Variants in LRRD1 observed in about 807,000 individuals in gnomAD.
LRRD1 encodes the protein leucine-rich repeat and death domain-containing protein 1.
A neutral mutation model predicts 69.5 loss-of-function variants in LRRD1; 49 were observed. The observed-to-expected ratio is 0.70, with a 90% CI of 0.56 to 0.89. The LOEUF is 0.89. Among genes scored for constraint, LRRD1 ranks in the 40% least tolerant of loss-of-function variants. LRRD1 has a pLI of 0.00. For missense variants in LRRD1, 853 were observed against 956.0 expected (o/e 0.89, Z 1.42); for synonymous variants, 303 against 338.9 (o/e 0.89, Z 1.16).
chr7:92,173,972 T>C (rs1310700911), intron 1 of LRRD1, among the ~76,000 whole-genome samples: 2 of 152,146 alleles, frequency 1.3e-5, no homozygotes, highest in African/African-American at 2.4e-5. Context: ...ATCATATATA[T>C]ACACAATGGA....
At chr7:92,177,846 G>C (rs1285432097) in intron 1 of LRRD1, among the ~76,000 whole-genome samples, 1 of 152,150 alleles carries the variant, frequency 6.6e-6, no homozygotes, top group Non-Finnish European at 1.5e-5. Context: ...CTTGGGAGGG[G>C]AAGAAAGGGT....
intron 3 of LRRD1, among the ~76,000 whole-genome samples, chr7:92,155,849 C>G (rs1334628019): frequency 2.6e-5 from 4 of 152,144 alleles, no homozygotes; most frequent in African/African-American, 9.7e-5. Flanking sequence ...AACTTGGAGT[C>G]CAGTGTTTGA....
At chr7:92,155,168 C>T (rs1369494612) in intron 3 of LRRD1, among the ~76,000 whole-genome samples, 1 of 152,148 alleles carries the variant, frequency 6.6e-6, no homozygotes, top group Non-Finnish European at 1.5e-5. Flanking sequence ...TATGGTGTAT[C>T]CAAATTGCCA....
Position 92,163,306 on chromosome 7 carries a change from T to A in LRRD1, c.1897A>T (p.Ser633Cys). ...CTTACCTTTCTCCCTTTTATCTGAC[T>A]TATATTCAGCTGTTCCAGTGATTGA... ...QLQSLEQLNISQIKGRKLTRL... is the reference protein window; with the variant it reads ...QLQSLEQLNICQIKGRKLTRL... Residue 633 changes from serine (S) to cysteine (C), a missense_variant, in exon 2 of 6, where the codon AGT (serine) becomes TGT (cysteine). This residue lies in a region of LRRD1 where 739 missense variants were observed against 808.0 expected (regional missense o/e 0.91). Coordinates refer to ENST00000458448, the MANE Select transcript of LRRD1 (RefSeq NM_001161528.2). 1 of 1,490,138 alleles carries A rather than the reference T, an allele frequency of 6.7e-7. No homozygotes were observed. The highest frequency in any genetic ancestry group is 2.5e-5 in the East Asian group (1 of 40,502). The allele number at this position is 1,490,138 out of a possible 1,614,324, so 92.3% of individuals were successfully genotyped here.
intron 1 of LRRD1, among the ~76,000 whole-genome samples, chr7:92,171,251 T>C (rs1789050991): frequency 6.6e-6 from 1 of 151,902 alleles, no homozygotes; most frequent in Non-Finnish European, 1.5e-5. Flanking sequence ...ATGGAAAAAG[T>C]TGTTTTGAAA....
Position 92,164,171 on chromosome 7 carries a change from T to C in LRRD1, c.1032A>G (p.Glu344=). 1.3e-6 allele frequency: 2 copies of C among 1,547,666 alleles called. No individual in the cohort carries two copies. Among genetic ancestry groups the C allele is most frequent in the Non-Finnish European group, 1.7e-6 (2 of 1,146,012 alleles). Residue 344 remains glutamate (E), a synonymous_variant, in exon 2 of 6, where the codon GAA becomes GAG. Transcript: ENST00000458448. ...CTTTTATTTTGAGTAACTGAAAAAT[T>C]TCTACAGCCAGAAAGGTAAGCTTAT... The part of the protein sequence containing the change: ...DHNKLTFLAV[E]IFQLLKIKEL...
chr7:92,163,048 G>C (rs1186836814), intron 2 of LRRD1, among the ~76,000 whole-genome samples: 1 of 152,130 alleles, frequency 6.6e-6, no homozygotes, highest in Non-Finnish European at 1.5e-5. Context: ...CTATAGAATT[G>C]TCAGCTTTCA....
At chr7:92,153,004 T>C (rs1788546712) in intron 3 of LRRD1, among the ~76,000 whole-genome samples, 1 of 151,928 alleles carries the variant, frequency 6.6e-6, no homozygotes, top group Non-Finnish European at 1.5e-5. Context: ...TTTCATTGTA[T>C]AGTTAATTTG....
At chr7:92,148,770 C>T (rs898948509) in intron 4 of LRRD1, among the ~76,000 whole-genome samples, 3 of 152,124 alleles carry the variant, frequency 2.0e-5, no homozygotes, top group African/African-American at 4.8e-5. Context: ...ATTTTTTAGA[C>T]GGAGTCTCGC....
chr7:92,145,628 G>T (rs912146978), intron 5 of LRRD1, among the ~76,000 whole-genome samples: 1 of 151,520 alleles, frequency 6.6e-6, no homozygotes, highest in Non-Finnish European at 1.5e-5. Flanking sequence ...TTTAGTAGAG[G>T]CGGGGTTTCA....
intron 2 of LRRD1, among the ~76,000 whole-genome samples, chr7:92,161,138 C>A (rs551137360): frequency 9.1e-4 from 138 of 152,324 alleles, no homozygotes; most frequent in African/African-American, 3.2e-3. Context: ...TGATGGAATT[C>A]ATATAGAAGG....
chr7:92,163,285 C>G lies in LRRD1; in HGVS notation c.1917+1G>C. 5.5e-6 allele frequency: 8 copies of G among 1,451,652 alleles called. No homozygotes were observed. Among genetic ancestry groups the G allele is most frequent in the Non-Finnish European group, 7.3e-6 (8 of 1,101,936 alleles). The allele number at this position is 1,451,652 out of a possible 1,614,324, so 89.9% of individuals were successfully genotyped here. On this transcript the variant is annotated splice_donor_variant, in intron 2 of 5. Coordinates refer to ENST00000458448, the MANE Select transcript of LRRD1 (RefSeq NM_001161528.2). LOFTEE classifies it high-confidence loss of function. Reference sequence around the variant, plus strand: ...CAAAGCCCACAATACCAGTCTCTTACCTTTCTCCCTTTTATCTGACTTATA... The same window carrying G: ...CAAAGCCCACAATACCAGTCTCTTAGCTTTCTCCCTTTTATCTGACTTATA...
chr7:92,178,924 A>G (rs547313179), intron 1 of LRRD1, 83 bp downstream of exon 1: 2 of 152,382 alleles, frequency 1.3e-5, no homozygotes, highest in African/African-American at 4.8e-5. Context: ...GACAGCATGC[A>G]AAGCCATGAG....
chr7:92,175,242 T>C (rs2131027893), intron 1 of LRRD1, among the ~76,000 whole-genome samples: 1 of 152,322 alleles, frequency 6.6e-6, no homozygotes, highest in Middle Eastern at 3.4e-3. Context: ...CATATTTCAA[T>C]TTTATGGTTT....
intron 1 of LRRD1, among the ~76,000 whole-genome samples, chr7:92,170,098 AAGAG>A (rs759446126): frequency 1.8e-4 from 27 of 150,560 alleles, no homozygotes; most frequent in African/African-American, 4.4e-4. Context: ...GAAATAAAGA[AAGAG>A]AGAGAGAGAG....
At chr7:92,151,930 C>T (rs987736252) in intron 3 of LRRD1, among the ~76,000 whole-genome samples, 13 of 132,590 alleles carry the variant, frequency 9.8e-5, no homozygotes, top group Admixed American at 1.6e-4. Context: ...GCCTGGGAGA[C>T]AAGAGCGGAA....
At chr7:92,146,398 A>G (rs955076598) in intron 4 of LRRD1, among the ~76,000 whole-genome samples, 198 bp from the exon 5 acceptor site, 1 of 152,060 alleles carries the variant, frequency 6.6e-6, no homozygotes, top group Non-Finnish European at 1.5e-5. Flanking sequence ...CAGGTGGATC[A>G]CCTGAGATCA....
At position 92,146,144 on chromosome 7, in the gene LRRD1, A is replaced by T. The variant is rs1349390249; in HGVS notation, c.2335T>A (p.Phe779Ile). The T allele has an allele frequency of 6.5e-7, 1 of 1,543,308 alleles. No homozygotes were observed. Among genetic ancestry groups the T allele is most frequent in the Non-Finnish European group, 8.7e-7 (1 of 1,144,176 alleles). Residue 779 changes from phenylalanine (F) to isoleucine (I), a missense_variant, in exon 5 of 6, where the codon TTT becomes ATT. By Grantham distance (21) the Phe-to-Ile change is conservative (BLOSUM62 0). This residue lies in a region of LRRD1 where 739 missense variants were observed against 808.0 expected (regional missense o/e 0.91). Transcript: ENST00000458448. ...IVANNITETN[F>I]EFLCQKLNLA... Reference sequence around the variant, plus strand: ...TTTAGTTTTTGACATAAAAATTCAAAATTGGTTTCAGTGATGTTGTTGGCA... The same window carrying T: ...TTTAGTTTTTGACATAAAAATTCAATATTGGTTTCAGTGATGTTGTTGGCA...
downstream of LRRD1, among the ~76,000 whole-genome samples, chr7:92,143,594 C>T (rs936992492): frequency 1.3e-5 from 2 of 152,184 alleles, no homozygotes; most frequent in Non-Finnish European, 2.9e-5. Flanking sequence ...CTGTCCAGGC[C>T]GGCTGGGCTG....
Sources: allele counts gnomAD v4.1 joint callset (sites outside exome capture counted in the v4.1 genomes callset), GRCh38; gene constraint gnomAD v4.1.1; regional missense constraint gnomAD v4.1.1; transcripts MANE v1.5; gene names NCBI Gene and HGNC (gene_info 2026-07-23, HGNC 2026-07-21).